The following OR4C13 variants were observed in gnomAD, a reference collection of about 807,000 sequenced individuals.
OR4C13 encodes the protein olfactory receptor 4C13.
Under a neutral mutation model 14.7 loss-of-function variants are expected in OR4C13, and 23 were observed. That is an observed-to-expected ratio of 1.57 (90% CI 1.13 to 2.22). OR4C13 has a LOEUF of 2.22. Ranked by LOEUF, OR4C13 falls within the 30% of genes most tolerant of loss-of-function variation. OR4C13 has a pLI of 0.00. For synonymous variants in OR4C13, 178 were observed against 135.5 expected (o/e 1.31, Z -2.18); for missense variants, 504 against 368.6 (o/e 1.37, Z -3.01).
rs781970591 is a variant in OR4C13, at chr11:49,952,969, A to G, written c.547A>G (p.Ile183Val). The G allele has an allele frequency of 2.5e-6, 4 of 1,613,666 alleles. No homozygotes were observed. The highest frequency in any genetic ancestry group is 2.2e-5 in the East Asian group (1 of 44,844). Residue 183 changes from isoleucine to valine, a missense_variant, in exon 1 of 1, where the codon ATC becomes GTC. Transcript: ENST00000555099. ...DHFMCDLYTL[I>V]NLACTNTHTL... Reference sequence around the variant, plus strand: ...CTTTATGTGTGATCTCTACACTTTGATCAATCTTGCCTGCACTAATACCCA... The same window carrying G: ...CTTTATGTGTGATCTCTACACTTTGGTCAATCTTGCCTGCACTAATACCCA...
chr11:49,953,277 C>T lies in OR4C13; in HGVS notation c.855C>T (p.Tyr285=). Residue 285 remains tyrosine (Y), a synonymous_variant, in exon 1 of 1, where the codon TAC becomes TAT. Transcript: ENST00000555099. ...MITSMLNPLI[Y]TLRNAQMKNA... is the part of the protein sequence containing the mutation. ...CTTCTATGTTAAACCCCTTAATCTA[C>T]ACCTTGAGGAATGCTCAAATGAAAA... The T allele has an allele frequency of 1.2e-6, 2 of 1,610,866 alleles. No individual in the cohort carries two copies. Among genetic ancestry groups the T allele is most frequent in the Non-Finnish European group, 1.7e-6 (2 of 1,179,044 alleles).
chr11:49,952,632 C>T lies in OR4C13; in HGVS notation c.210C>T (p.Cys70=), dbSNP rs782442617. 2.6e-5 allele frequency: 42 copies of T among 1,613,480 alleles called. No individual in the cohort carries two copies. Among genetic ancestry groups the T allele is most frequent in the South Asian group, 6.6e-5 (6 of 91,068 alleles). The change falls in exon 1 of 1, where the codon TGC becomes TGT. Residue 70 remains cysteine, a synonymous_variant. Transcript: ENST00000555099. ...FLAYLSFIDA[C]YSSVNTPKLI... ...CCTATCTCTCCTTTATTGATGCCTG[C>T]TATTCCTCTGTCAATACCCCTAAGC... is the stretch of plus-strand genomic sequence containing the variant.
Position 49,952,562 on chromosome 11 carries a change from T to A in OR4C13, c.140T>A (p.Ile47Asn). Residue 47 changes from isoleucine (I) to asparagine (N), a missense_variant, in exon 1 of 1, where the codon ATC (isoleucine) becomes AAC (asparagine). By Grantham distance (149) the Ile-to-Asn change is moderately radical. Coordinates refer to ENST00000555099, the MANE Select transcript of OR4C13 (RefSeq NM_001001955.2). ...GGAAATGTGCTCATTGTGGTCACCA[T>A]CACTGCCAGCCCATCACTGAGATCC... ...MIGNVLIVVT[I>N]TASPSLRSPM... 6.2e-7 allele frequency: 1 copy of A among 1,613,886 alleles called. No individual in the cohort carries two copies. Among genetic ancestry groups the A allele is most frequent in the Non-Finnish European group, 8.5e-7 (1 of 1,179,810 alleles).
Position 49,952,552 on chromosome 11 carries a change from G to T in OR4C13, c.130G>T (p.Val44Leu). 1 of 1,613,808 alleles carries T rather than the reference G, an allele frequency of 6.2e-7. No individual in the cohort carries two copies. The highest frequency in any genetic ancestry group is 1.1e-5 in the South Asian group (1 of 91,072). Reference sequence around the variant, plus strand: ...CGCCATGATAGGAAATGTGCTCATTGTGGTCACCATCACTGCCAGCCCATC... The same window carrying T: ...CGCCATGATAGGAAATGTGCTCATTTTGGTCACCATCACTGCCAGCCCATC... Reference protein sequence around the residue: ...INAMIGNVLIVVTITASPSLR... With the variant: ...INAMIGNVLILVTITASPSLR... The change falls in exon 1 of 1, where the codon GTG becomes TTG. Residue 44 changes from valine (V) to leucine (L), a missense_variant. Physicochemically the swap from Val to Leu is conservative, Grantham distance 32. Coordinates refer to ENST00000555099, the MANE Select transcript of OR4C13 (RefSeq NM_001001955.2).
rs1341005903 is a variant in OR4C13 at position 49,953,408 on chromosome 11, G to A, written c.*56G>A. On this transcript the variant is annotated 3_prime_UTR_variant, in exon 1 of 1. Coordinates refer to ENST00000555099, the MANE Select transcript of OR4C13 (RefSeq NM_001001955.2). ...AGGCAAGGGTCAAAAGGACATTTTG[G>A]GTAATGCCAGCAAGGAATACTTATT... is the stretch of plus-strand genomic sequence containing the variant. The A allele has an allele frequency of 8.5e-5, 85 of 1,004,360 alleles. No homozygotes were observed. Among genetic ancestry groups the A allele is most frequent in the Non-Finnish European group, 1.2e-4 (82 of 691,910 alleles). 62.2% of individuals were successfully genotyped at this position (1,004,360 alleles called of 1,614,324 possible). A position where few individuals can be genotyped will look rare whatever the true frequency, so the allele number is the denominator to read the frequency against.
Position 49,953,312 on chromosome 11 carries a change from G to A in OR4C13, c.890G>A (p.Arg297Lys). Reference sequence around the variant, plus strand: ...AATGCTCAAATGAAAAATGCCATTAGGAAATTGTGTAGTAGGAAAGCTATT... The same window carrying A: ...AATGCTCAAATGAAAAATGCCATTAAGAAATTGTGTAGTAGGAAAGCTATT... ...LRNAQMKNAI[R>K]KLCSRKAISS... The change falls in exon 1 of 1, where the codon AGG (arginine) becomes AAG (lysine). Residue 297 changes from arginine (R) to lysine (K), a missense_variant. Physicochemically the swap from Arg to Lys is conservative, Grantham distance 26. Transcript: ENST00000555099. 1.9e-6 allele frequency: 3 copies of A among 1,600,428 alleles called. No individual in the cohort carries two copies. Among genetic ancestry groups the A allele is most frequent in the Non-Finnish European group, 2.6e-6 (3 of 1,174,452 alleles).
chr11:49,953,349 A>G lies in OR4C13; in HGVS notation c.927A>G (p.Lys309=). ...LCSRKAISSV[K] Reference sequence around the variant, plus strand: ...GTAGGAAAGCTATTTCAAGTGTCAAATAAATGTGACTGGAGCCCAACATGA... The same window carrying G: ...GTAGGAAAGCTATTTCAAGTGTCAAGTAAATGTGACTGGAGCCCAACATGA... The change falls in exon 1 of 1, where the codon AAA becomes AAG. Residue 309 remains lysine (K), a synonymous_variant. Transcript: ENST00000555099. The G allele has an allele frequency of 6.5e-7, 1 of 1,530,204 alleles. No individual in the cohort carries two copies. Among genetic ancestry groups the G allele is most frequent in the Non-Finnish European group, 8.8e-7 (1 of 1,130,062 alleles). The allele number at this position is 1,530,204 out of a possible 1,614,324, so 94.8% of individuals were successfully genotyped here.
chr11:49,952,960 T>C lies in OR4C13; in HGVS notation c.538T>C (p.Tyr180His), dbSNP rs1555015838. ...CATAGATCACTTTATGTGTGATCTC[T>C]ACACTTTGATCAATCTTGCCTGCAC... Reference protein sequence around the residue: ...NVIDHFMCDLYTLINLACTNT... With the variant: ...NVIDHFMCDLHTLINLACTNT... The change falls in exon 1 of 1, where the codon TAC (tyrosine) becomes CAC (histidine). Residue 180 changes from tyrosine to histidine, a missense_variant. Physicochemically the swap from Tyr to His is moderately conservative, Grantham distance 83. Transcript: ENST00000555099. 2.5e-6 allele frequency: 4 copies of C among 1,613,872 alleles called. No individual in the cohort carries two copies. Among genetic ancestry groups the C allele is most frequent in the Non-Finnish European group, 3.4e-6 (4 of 1,179,816 alleles).
At position 49,953,131 on chromosome 11, in the gene OR4C13, A is replaced by G; in HGVS notation, c.709A>G (p.Thr237Ala). 6 of 1,613,712 alleles carry G rather than the reference A, an allele frequency of 3.7e-6. No homozygotes were observed. The highest frequency in any genetic ancestry group is 5.1e-6 in the Non-Finnish European group (6 of 1,179,714). The change falls in exon 1 of 1, where the codon ACC becomes GCC. Residue 237 changes from threonine to alanine, a missense_variant. Physicochemically the swap from Thr to Ala is moderately conservative, Grantham distance 58 (BLOSUM62 0). Coordinates refer to ENST00000555099, the MANE Select transcript of OR4C13 (RefSeq NM_001001955.2). Reference protein sequence around the residue: ...SLEARHEALSTCVSHITVVIL... With the variant: ...SLEARHEALSACVSHITVVIL... ...AGAGGCAAGGCACGAAGCCCTCTCT[A>G]CCTGTGTCTCCCACATCACAGTTGT...
At position 49,953,236 on chromosome 11, in the gene OR4C13, T is replaced by C. The variant is rs782618343; in HGVS notation, c.814T>C (p.Phe272Leu). The C allele has an allele frequency of 3.1e-6, 5 of 1,612,348 alleles. No homozygotes were observed. Among genetic ancestry groups the C allele is most frequent in the South Asian group, 1.1e-5 (1 of 91,032 alleles). The change falls in exon 1 of 1, where the codon TTC becomes CTC. Residue 272 changes from phenylalanine (F) to leucine (L), a missense_variant. Coordinates refer to ENST00000555099, the MANE Select transcript of OR4C13 (RefSeq NM_001001955.2). ...TLPIDKAVAV[F>L]YTMITSMLNP... ...ACCCATTGATAAAGCAGTTGCTGTA[T>C]TCTACACTATGATAACTTCTATGTT... is the stretch of plus-strand genomic sequence containing the variant.
At position 49,952,969 on chromosome 11, in the gene OR4C13, A is replaced by C. The variant is rs781970591; in HGVS notation, c.547A>C (p.Ile183Leu). 3 of 1,613,652 alleles carry C rather than the reference A, an allele frequency of 1.9e-6. No individual in the cohort carries two copies. Among genetic ancestry groups the C allele is most frequent in the African/African-American group, 2.7e-5 (2 of 74,844 alleles). Residue 183 changes from isoleucine to leucine, a missense_variant, in exon 1 of 1, where the codon ATC becomes CTC. Physicochemically the swap from Ile to Leu is conservative, Grantham distance 5. Transcript: ENST00000555099. Reference sequence around the variant, plus strand: ...CTTTATGTGTGATCTCTACACTTTGATCAATCTTGCCTGCACTAATACCCA... The same window carrying C: ...CTTTATGTGTGATCTCTACACTTTGCTCAATCTTGCCTGCACTAATACCCA... ...DHFMCDLYTL[I>L]NLACTNTHTL...
Position 49,952,842 on chromosome 11 carries a change from C to A in OR4C13, c.420C>A (p.Ser140Arg). The A allele has an allele frequency of 6.2e-7, 1 of 1,614,008 alleles. No individual in the cohort carries two copies. The highest frequency in any genetic ancestry group is 2.2e-5 in the East Asian group (1 of 44,880). The change falls in exon 1 of 1, where the codon AGC becomes AGA. Residue 140 changes from serine (S) to arginine (R), a missense_variant. Ser to Arg is a moderately radical substitution (Grantham distance 110). Transcript: ENST00000555099. ...YTTVMKQHVC[S>R]LLVGVSWVGG... Reference sequence around the variant, plus strand: ...CCGTCATGAAGCAGCATGTTTGTAGCCTGCTAGTGGGAGTGTCATGGGTAG... The same window carrying A: ...CCGTCATGAAGCAGCATGTTTGTAGACTGCTAGTGGGAGTGTCATGGGTAG...
At position 49,953,332 on chromosome 11, in the gene OR4C13, G is replaced by A. The variant is rs781864442; in HGVS notation, c.910G>A (p.Ala304Thr). 6.4e-7 allele frequency: 1 copy of A among 1,568,850 alleles called. No homozygotes were observed. Among genetic ancestry groups the A allele is most frequent in the African/African-American group, 1.3e-5 (1 of 74,124 alleles). ...CATTAGGAAATTGTGTAGTAGGAAA[G>A]CTATTTCAAGTGTCAAATAAATGTG... Reference protein sequence around the residue: ...NAIRKLCSRKAISSVK With the variant: ...NAIRKLCSRKTISSVK Residue 304 changes from alanine to threonine, a missense_variant, in exon 1 of 1, where the codon GCT (alanine) becomes ACT (threonine). Coordinates refer to ENST00000555099, the MANE Select transcript of OR4C13 (RefSeq NM_001001955.2).
chr11:49,952,754 T>C lies in OR4C13; in HGVS notation c.332T>C (p.Ile111Thr). Residue 111 changes from isoleucine (I) to threonine (T), a missense_variant, in exon 1 of 1, where the codon ATC becomes ACC. By Grantham distance (89) the Ile-to-Thr change is moderately conservative. Coordinates refer to ENST00000555099, the MANE Select transcript of OR4C13 (RefSeq NM_001001955.2). The stretch of plus-strand genomic sequence containing the variant: ...CATTTTTTCAGAGGTGTTGAGGTCA[T>C]CCTACTTACTGTAATGGCCTATGAC... ...GEHFFRGVEV[I>T]LLTVMAYDHY... 6.2e-7 allele frequency: 1 copy of C among 1,614,060 alleles called. No individual in the cohort carries two copies. Among genetic ancestry groups the C allele is most frequent in the Non-Finnish European group, 8.5e-7 (1 of 1,179,920 alleles).
chr11:49,952,526 A>G lies in OR4C13; in HGVS notation c.104A>G (p.Asn35Ser). 2 of 1,613,642 alleles carry G rather than the reference A, an allele frequency of 1.2e-6. No homozygotes were observed. The highest frequency in any genetic ancestry group is 1.7e-6 in the Non-Finnish European group (2 of 1,179,626). The change falls in exon 1 of 1, where the codon AAC becomes AGC. Residue 35 changes from asparagine (N) to serine (S), a missense_variant. By Grantham distance (46) the Asn-to-Ser change is conservative. Transcript: ENST00000555099. ...GTTGTGTTTTCTGTCATCTACATCA[A>G]CGCCATGATAGGAAATGTGCTCATT... ...IFVVFSVIYINAMIGNVLIVV... is the reference protein window; with the variant it reads ...IFVVFSVIYISAMIGNVLIVV...
chr11:49,952,931 A>G lies in OR4C13; in HGVS notation c.509A>G (p.Asn170Ser), dbSNP rs1853662293. The change falls in exon 1 of 1, where the codon AAT (asparagine) becomes AGT (serine). Residue 170 changes from asparagine to serine, a missense_variant. Physicochemically the swap from Asn to Ser is conservative, Grantham distance 46. Coordinates refer to ENST00000555099, the MANE Select transcript of OR4C13 (RefSeq NM_001001955.2). ...TGTCAATTACCTTTCTGTGGTCCTA[A>G]TGTCATAGATCACTTTATGTGTGAT... ...FICQLPFCGP[N>S]VIDHFMCDLY... 6.2e-7 allele frequency: 1 copy of G among 1,613,732 alleles called. No individual in the cohort carries two copies. The highest frequency in any genetic ancestry group is 8.5e-7 in the Non-Finnish European group (1 of 1,179,874).
At position 49,953,156 on chromosome 11, in the gene OR4C13, T is replaced by C. The variant is rs1590423117; in HGVS notation, c.734T>C (p.Val245Ala). Reference sequence around the variant, plus strand: ...ACCTGTGTCTCCCACATCACAGTTGTCATCTTATCCTTTATACCCTGCATA... The same window carrying C: ...ACCTGTGTCTCCCACATCACAGTTGCCATCTTATCCTTTATACCCTGCATA... ...LSTCVSHITV[V>A]ILSFIPCIFV... Residue 245 changes from valine (V) to alanine (A), a missense_variant, in exon 1 of 1, where the codon GTC becomes GCC. Val to Ala is a moderately conservative substitution (Grantham distance 64). Coordinates refer to ENST00000555099, the MANE Select transcript of OR4C13 (RefSeq NM_001001955.2). 1 of 1,613,814 alleles carries C rather than the reference T, an allele frequency of 6.2e-7. No homozygotes were observed. Among genetic ancestry groups the C allele is most frequent in the Non-Finnish European group, 8.5e-7 (1 of 1,179,746 alleles).
In OR4C13 at chr11:49,953,050, C is replaced by T. The variant is rs1319845580; in HGVS notation, c.628C>T (p.Leu210Phe). 2 of 1,613,938 alleles carry T rather than the reference C, an allele frequency of 1.2e-6. No individual in the cohort carries two copies. The highest frequency in any genetic ancestry group is 1.3e-5 in the African/African-American group (1 of 75,022). Residue 210 changes from leucine (L) to phenylalanine (F), a missense_variant, in exon 1 of 1, where the codon CTC becomes TTC. Physicochemically the swap from Leu to Phe is conservative, Grantham distance 22. Transcript: ENST00000555099. ...NSGFICLLNC[L>F]LLLVSCVVIL... ...TGGGTTCATATGCCTGTTAAACTGT[C>T]TCTTGCTCCTGGTCTCCTGCGTGGT...
chr11:49,953,300 A>G lies in OR4C13; in HGVS notation c.878A>G (p.Lys293Arg). ...TACACCTTGAGGAATGCTCAAATGA[A>G]AAATGCCATTAGGAAATTGTGTAGT... The part of the protein sequence containing the change: ...LIYTLRNAQM[K>R]NAIRKLCSRK... The change falls in exon 1 of 1, where the codon AAA becomes AGA. Residue 293 changes from lysine to arginine, a missense_variant. Physicochemically the swap from Lys to Arg is conservative, Grantham distance 26. Coordinates refer to ENST00000555099, the MANE Select transcript of OR4C13 (RefSeq NM_001001955.2). The G allele has an allele frequency of 6.2e-7, 1 of 1,606,430 alleles. No homozygotes were observed. The highest frequency in any genetic ancestry group is 1.1e-5 in the South Asian group (1 of 90,172).
Sources: gnomAD v4.1 joint callset for allele counts on GRCh38, gnomAD v4.1.1 for gene constraint, MANE v1.5 for transcripts, NCBI Gene and HGNC (gene_info 2026-07-23, HGNC 2026-07-21) for gene names.